The following GNAS variants were observed in gnomAD, a reference collection of about 807,000 sequenced individuals.
GNAS encodes the protein GNAS complex locus.
A neutral mutation model predicts 54.5 loss-of-function variants in GNAS; 8 were observed. The observed-to-expected ratio is 0.15, with a 90% CI of 0.09 to 0.26. The LOEUF (loss-of-function observed/expected upper bound fraction) is 0.26, where lower values mean the gene tolerates loss of function less well. Ranked by LOEUF, GNAS falls within the 10% of genes least tolerant of loss-of-function variation. GNAS has a pLI of 1.00. For missense variants in GNAS, 170 were observed against 529.8 expected (o/e 0.32, Z 6.67); for synonymous variants, 204 against 191.4 (o/e 1.07, Z -0.54).
At chr20:58,876,438 T>C (rs2087823641) in intron 1 of GNAS, among the ~76,000 whole-genome samples, 1 of 152,090 alleles carries the variant, frequency 6.6e-6, no homozygotes, top group Non-Finnish European at 1.5e-5. Flanking sequence ...TTTCAGAAAG[T>C]TCTGTAATGG....
chr20:58,878,458 AACTTT>A (rs1405895200), intron 1 of GNAS, among the ~76,000 whole-genome samples: 2 of 152,232 alleles, frequency 1.3e-5, no homozygotes, highest in African/African-American at 4.8e-5. Flanking sequence ...CAAGTAAAAC[AACTTT>A]ACTTCTTACA....
intron 3 of GNAS, chr20:58,900,033 C>T: frequency 1.4e-6 from 1 of 693,840 alleles, no homozygotes. Flanking sequence ...ATTGCTCGGT[C>T]TTAGGAACTT....
intron 3 of GNAS, chr20:58,899,612 AATT>A (rs1408890686): frequency 1.7e-6 from 1 of 590,266 alleles, no homozygotes; most frequent in Non-Finnish European, 3.1e-6. Context: ...TTCATTATCA[AATT>A]ATTTTTTCTT....
At chr20:58,874,399 A>G (rs1413674100) in intron 1 of GNAS, among the ~76,000 whole-genome samples, 1 of 152,240 alleles carries the variant, frequency 6.6e-6, no homozygotes, top group Admixed American at 6.5e-5. Context: ...AGATGGGCCC[A>G]ATATTTCCCA....
chr20:58,889,135 G>A (rs1195211682), upstream of GNAS: 2 of 1,195,888 alleles, frequency 1.7e-6, no homozygotes, highest in East Asian at 8.9e-5. Context: ...AGGCTGGGGC[G>A]TCATCGGGGC....
Position 58,841,966 on chromosome 20 carries a change from A to G in GNAS, c.43+1080A>G. On this transcript the variant is annotated intron_variant, in intron 1 of 12. Transcript: ENST00000306090. The surrounding 1 kb of genome is among the most constrained non-coding windows in gnomAD (Gnocchi z 5.0). The stretch of plus-strand genomic sequence containing the variant: ...CGTTTCCAAAGAGCGCGGTACGCGC[A>G]GAGCTGGGGAAAGGTGTTGGATCCG... 1 of 1,098,008 alleles carries G rather than the reference A, an allele frequency of 9.1e-7. No individual in the cohort carries two copies. The highest frequency in any genetic ancestry group is 1.2e-6 in the Non-Finnish European group (1 of 865,714). The allele number at this position is 1,098,008 out of a possible 1,614,324, so 68.0% of individuals were successfully genotyped here. A position where few individuals can be genotyped will look rare whatever the true frequency, so the allele number is the denominator to read the frequency against.
chr20:58,840,986 A>G lies in GNAS; in HGVS notation c.43+100A>G. 2 of 1,293,408 alleles carry G rather than the reference A, an allele frequency of 1.5e-6. No individual in the cohort carries two copies. The highest frequency in any genetic ancestry group is 2.2e-6 in the Non-Finnish European group (2 of 917,512). 80.1% of individuals were successfully genotyped at this position (1,293,408 alleles called of 1,614,324 possible). Reference sequence around the variant, plus strand: ...GAAAGGCAGGTCAGGGGCGAGTGGGAAGAGAGGAGGCTCAGCTGGTCAGCC... The same window carrying G: ...GAAAGGCAGGTCAGGGGCGAGTGGGGAGAGAGGAGGCTCAGCTGGTCAGCC... On this transcript the variant is annotated intron_variant, in intron 1 of 12. Transcript: ENST00000306090. This position sits in a 1 kb window ranked among gnomAD's most constrained non-coding sequence, Gnocchi z 6.0.
intron 1 of GNAS, among the ~76,000 whole-genome samples, chr20:58,883,553 A>G (rs989692692): frequency 6.6e-6 from 1 of 152,110 alleles, no homozygotes; most frequent in African/African-American, 2.4e-5. Flanking sequence ...TCCCCTTCTC[A>G]TAACTTCCAG....
upstream of GNAS, chr20:58,888,487 G>A (rs932117417): frequency 6.6e-6 from 1 of 152,170 alleles, no homozygotes; most frequent in Non-Finnish European, 1.5e-5. Flanking sequence ...GGACACTTGA[G>A]AGTTTTGAAA....
rs1482088331 is a variant in GNAS, at chr20:58,891,616, C to T, written c.-111C>T. Reference sequence around the variant, plus strand: ...CGCGCTCCTTGCCGAGGAGCCGAGCCCGCGCCCGGCCCGCCCGCCCGGCGC... The same window carrying T: ...CGCGCTCCTTGCCGAGGAGCCGAGCTCGCGCCCGGCCCGCCCGCCCGGCGC... On this transcript the variant is annotated 5_prime_UTR_variant, in exon 1 of 13. Transcript: ENST00000371085. The T allele has an allele frequency of 1.1e-3, 1,067 of 971,984 alleles. 3 individuals are homozygous for T. The highest frequency in any genetic ancestry group is 1.2e-3 in the Non-Finnish European group (956 of 822,826). 60.2% of individuals were successfully genotyped at this position (971,984 alleles called of 1,614,324 possible). A position where few individuals can be genotyped will look rare whatever the true frequency, so the allele number is the denominator to read the frequency against.
chr20:58,883,665 C>T (rs1018408262), intron 1 of GNAS, among the ~76,000 whole-genome samples: 1 of 152,172 alleles, frequency 6.6e-6, no homozygotes, highest in Non-Finnish European at 1.5e-5. Context: ...GCCAAGCCCT[C>T]AATAAACTGC....
At chr20:58,871,658 T>TAAAAAAAAAAA (rs2087475943) in intron 1 of GNAS, among the ~76,000 whole-genome samples, 1 of 87,024 alleles carries the variant, frequency 1.1e-5, no homozygotes, top group Non-Finnish European at 2.2e-5. Flanking sequence ...CCAAAAAAAT[T>TAAAAAAAAAAA]AAAAGGGAGA....
At position 58,910,427 on chromosome 20, in the gene GNAS, C is replaced by G. The variant is rs184912870; in HGVS notation, c.1038+26C>G. ...GTGAGTCGAGCCTGTCTTTAGTTTC[C>G]TCTCTTGTTCCTCCTCTTTTTCTCA... On this transcript the variant is annotated intron_variant, in intron 12 of 12. Transcript: ENST00000371085. The surrounding 1 kb of genome is among the most constrained non-coding windows in gnomAD (Gnocchi z 5.8). The G allele has an allele frequency of 6.5e-7, 1 of 1,541,816 alleles. No homozygotes were observed. The highest frequency in any genetic ancestry group is 2.2e-5 in the East Asian group (1 of 44,584).
intron 5 of GNAS, among the ~76,000 whole-genome samples, chr20:58,904,607 A>G (rs2090921256): frequency 6.6e-6 from 1 of 152,248 alleles, no homozygotes; most frequent in Non-Finnish European, 1.5e-5. Context: ...ACTTGTCTAC[A>G]GCTAAAACAA....
At chr20:58,883,529 G>C (rs1030962197) in intron 1 of GNAS, among the ~76,000 whole-genome samples, 1 of 152,124 alleles carries the variant, frequency 6.6e-6, no homozygotes, top group African/African-American at 2.4e-5. Flanking sequence ...CTTGCCGCTT[G>C]GGCTGAATAA....
intron 1 of GNAS, among the ~76,000 whole-genome samples, chr20:58,846,734 C>T (rs2085954943): frequency 6.6e-6 from 1 of 152,158 alleles, no homozygotes; most frequent in East Asian, 1.9e-4. Context: ...ATGTCGCTGT[C>T]TTAATTAGAT....
chr20:58,874,640 TATCTTAGCTCCTGGCCTGCCCTCC>T (rs1460251890), intron 1 of GNAS, among the ~76,000 whole-genome samples: 11 of 149,294 alleles, frequency 7.4e-5, no homozygotes, highest in South Asian at 2.1e-4. Flanking sequence ...GCCTGCCTTC[TATCTTAGCTCCTGGCCTGCCCTCC>T]ATCTTAGCTC....
Position 58,873,755 on chromosome 20 carries a change from C to G in GNAS, c.44-21857C>G, listed in dbSNP as rs2087614819. Among the ~76,000 whole-genome samples, 1 of 152,082 alleles carries G rather than the reference C, an allele frequency of 6.6e-6. No individual in the cohort carries two copies. Among genetic ancestry groups the G allele is most frequent in the South Asian group, 2.1e-4 (1 of 4,828 alleles). On this transcript the variant is annotated intron_variant, in intron 1 of 12. Transcript: ENST00000306090. The surrounding 1 kb of genome is among the most constrained non-coding windows in gnomAD (Gnocchi z 4.3). ...TTGAGTGCCAAATATGTGCCCTTCCCCGTGGGGAAGACAAAAGTATGAGAC... is the reference window on the plus strand; with the variant it reads ...TTGAGTGCCAAATATGTGCCCTTCCGCGTGGGGAAGACAAAAGTATGAGAC...
Position 58,858,482 on chromosome 20 carries a change from C to G in GNAS, c.43+17596C>G, listed in dbSNP as rs189113856. 2.0e-3 allele frequency among the ~76,000 whole-genome samples: 298 copies of G among 152,222 alleles called. 3 individuals are homozygous for G. The highest frequency in any genetic ancestry group is 0.012 in the South Asian group (56 of 4,812). ...CTTTTTCTTACTCAACACTATCCACCAATAGACTGTTTCCATGTTTCTGTT... is the reference window on the plus strand; with the variant it reads ...CTTTTTCTTACTCAACACTATCCACGAATAGACTGTTTCCATGTTTCTGTT... On this transcript the variant is annotated intron_variant, in intron 1 of 12. Transcript: ENST00000306090.
Sources: allele counts gnomAD v4.1 joint callset (sites outside exome capture counted in the v4.1 genomes callset), GRCh38; gene constraint gnomAD v4.1.1; non-coding constraint Gnocchi (gnomAD v3.1); transcripts MANE v1.5; gene names NCBI Gene and HGNC (gene_info 2026-07-23, HGNC 2026-07-21).